Variants in LSAMP observed in about 807,000 individuals in gnomAD.
LSAMP encodes limbic system associated membrane protein.
Under a neutral mutation model 38.6 loss-of-function variants are expected in LSAMP, and 7 were observed. The observed-to-expected ratio is 0.18, with a 90% CI of 0.10 to 0.34. The LOEUF (loss-of-function observed/expected upper bound fraction) is 0.34. Among genes scored for constraint, LSAMP ranks in the 10% least tolerant of loss-of-function variants. The pLI is 1.00. For synonymous variants in LSAMP, 154 were observed against 166.8 expected (o/e 0.92, Z 0.59); for missense variants, 313 against 420.0 (o/e 0.75, Z 2.23).
intron 2 of LSAMP, among the ~76,000 whole-genome samples, chr3:116,078,183 A>T (rs1392476019): frequency 6.6e-6 from 1 of 152,018 alleles, no homozygotes; most frequent in Non-Finnish European, 1.5e-5. Flanking sequence ...GCTGGAATTA[A>T]TTATTTCTGT....
chr3:116,144,272 C>T lies in LSAMP; in HGVS notation c.156-57716G>A, dbSNP rs1420361633. ...TTATATTAGGCTGGGTGCAATGGTT[C>T]ATGTCTGGGATTCTAGAACTTTGGG... On this transcript the variant is annotated intron_variant, in intron 1 of 6. Transcript: ENST00000490035. Among the ~76,000 whole-genome samples the T allele has an allele frequency of 3.3e-5, 5 of 151,948 alleles. No homozygotes were observed. In the South Asian group the frequency reaches 8.3e-4, roughly 25 times the overall value.
chr3:115,925,196 A>C (rs2107529417), intron 3 of LSAMP, among the ~76,000 whole-genome samples: 1 of 152,250 alleles, frequency 6.6e-6, no homozygotes, highest in South Asian at 2.1e-4. Flanking sequence ...GAGCTTGGAC[A>C]CATGGGCTAC....
intron 2 of LSAMP, among the ~76,000 whole-genome samples, chr3:116,023,619 A>C (rs901707633): frequency 2.0e-5 from 3 of 151,804 alleles, no homozygotes; most frequent in Admixed American, 1.3e-4. Context: ...AAAAAAAAAA[A>C]AAAAACGGTT....
chr3:116,173,214 G>C (rs1559769771), intron 1 of LSAMP, among the ~76,000 whole-genome samples: 1 of 152,038 alleles, frequency 6.6e-6, no homozygotes, highest in Non-Finnish European at 1.5e-5. Flanking sequence ...GGATGAATAA[G>C]TGACAAAAAA....
chr3:115,935,803 C>G (rs922743012), intron 3 of LSAMP, among the ~76,000 whole-genome samples: 1 of 152,150 alleles, frequency 6.6e-6, no homozygotes, highest in African/African-American at 2.4e-5. Context: ...TCTGTAAAAT[C>G]TAGCAAGGTG....
At chr3:116,358,054 C>A (rs1292230058) in intron 1 of LSAMP, among the ~76,000 whole-genome samples, 3 of 152,132 alleles carry the variant, frequency 2.0e-5, no homozygotes, top group African/African-American at 7.2e-5. Flanking sequence ...CAATTACTTT[C>A]TATCCTTGCA....
chr3:116,438,879 G>A (rs2049391303), intron 1 of LSAMP, among the ~76,000 whole-genome samples: 1 of 152,144 alleles, frequency 6.6e-6, no homozygotes, highest in Non-Finnish European at 1.5e-5. Context: ...TGGGTTTATG[G>A]TGGTCTATTT....
At position 116,271,917 on chromosome 3, in the gene LSAMP, T is replaced by C. The variant is rs2046979380; in HGVS notation, c.155+172960A>G. Among the ~76,000 whole-genome samples, 3 of 152,026 alleles carry C rather than the reference T, an allele frequency of 2.0e-5. No individual in the cohort carries two copies. In the South Asian group the frequency reaches 6.2e-4, roughly 32 times the overall value. On this transcript the variant is annotated intron_variant, in intron 1 of 6. Coordinates refer to ENST00000490035, the MANE Select transcript of LSAMP (RefSeq NM_002338.5). ...ATGAAGTATTTCCTATTTATTCTAT[T>C]TGAAGTGAATAAAAAAATAATATGG...
intron 6 of LSAMP, among the ~76,000 whole-genome samples, chr3:115,835,465 A>G (rs190075328): frequency 9.0e-4 from 137 of 152,304 alleles, no homozygotes; most frequent in African/African-American, 3.2e-3. Flanking sequence ...TTTCAGAAAT[A>G]TAGAATGGAA....
chr3:116,321,399 G>T lies in LSAMP; in HGVS notation c.155+123478C>A, dbSNP rs547630144. On this transcript the variant is annotated intron_variant, in intron 1 of 6. Transcript: ENST00000490035. ...AAAAAACAAAAACAAAAACAAAAAG[G>T]AAAAACAGAATAGTCATGAGAATAG... 7.9e-5 allele frequency among the ~76,000 whole-genome samples: 12 copies of T among 152,068 alleles called. No homozygotes were observed. The South Asian group carries it at 2.5e-3, about 32-fold the overall frequency.
intron 3 of LSAMP, among the ~76,000 whole-genome samples, chr3:115,982,851 G>A (rs1420355440): frequency 1.3e-5 from 2 of 149,056 alleles, no homozygotes; most frequent in Non-Finnish European, 3.0e-5. Context: ...GCCTGTCACT[G>A]TCTTTGCTTT....
chr3:116,383,716 G>C (rs1165820173), intron 1 of LSAMP, among the ~76,000 whole-genome samples: 1 of 152,142 alleles, frequency 6.6e-6, no homozygotes, highest in Non-Finnish European at 1.5e-5. Context: ...GGATCTCCAT[G>C]TGAGGAGAAA....
intron 1 of LSAMP, among the ~76,000 whole-genome samples, chr3:116,322,462 A>G (rs2047717984): frequency 6.6e-6 from 1 of 152,184 alleles, no homozygotes; most frequent in African/African-American, 2.4e-5. Context: ...TTCTTTTAAA[A>G]AAGGAAATGT....
intron 1 of LSAMP, among the ~76,000 whole-genome samples, chr3:116,416,915 T>C (rs1319874307): frequency 1.3e-5 from 2 of 151,782 alleles, no homozygotes; most frequent in Non-Finnish European, 2.9e-5. Context: ...GAAGGGTAAG[T>C]GAAGAGGCAG....
intron 1 of LSAMP, among the ~76,000 whole-genome samples, chr3:116,290,905 C>T (rs2047258821): frequency 6.6e-6 from 1 of 151,942 alleles, no homozygotes; most frequent in African/African-American, 2.4e-5. Context: ...TAAAAAATCT[C>T]CTGTATCTCT....
Position 116,343,373 on chromosome 3 carries a change from C to T in LSAMP, c.155+101504G>A, listed in dbSNP as rs76468238. On this transcript the variant is annotated intron_variant, in intron 1 of 6. Transcript: ENST00000490035. ...AAACCCACCCTAGATCTGCCACTGA[C>T]TGGCCTGAAGGGATTGGTGGGGAAT... is the stretch of plus-strand genomic sequence containing the variant. Among the ~76,000 whole-genome samples, 41 of 152,248 alleles carry T rather than the reference C, an allele frequency of 2.7e-4. No homozygotes were observed. In the East Asian group the frequency reaches 6.6e-3, roughly 24 times the overall value.
chr3:116,381,061 G>T (rs2048551771), intron 1 of LSAMP, among the ~76,000 whole-genome samples: 1 of 151,884 alleles, frequency 6.6e-6, no homozygotes, highest in Non-Finnish European at 1.5e-5. Context: ...TATGGAAAGA[G>T]GTATTTATTT....
intron 6 of LSAMP, among the ~76,000 whole-genome samples, chr3:115,840,368 G>A (rs1431402270): frequency 6.6e-6 from 1 of 151,300 alleles, no homozygotes; most frequent in Non-Finnish European, 1.5e-5. Context: ...CTCTCCCGCT[G>A]CCATTTATGG....
In LSAMP at chr3:115,976,203, TC is replaced by T. The variant is rs1443407135; in HGVS notation, c.514+43311del. Among the ~76,000 whole-genome samples, 3 of 152,200 alleles carry T rather than the reference TC, an allele frequency of 2.0e-5. No homozygotes were observed. The South Asian group carries it at 6.2e-4, about 32-fold the overall frequency. ...AAAAATTTTCAGTGGAGTATCACTG[TC>T]TACTTAACTAAGTGCAAACTTATAC... is the stretch of plus-strand genomic sequence containing the variant. On this transcript the variant is annotated intron_variant, in intron 3 of 6. Transcript: ENST00000490035.
Sources: allele counts gnomAD v4.1 joint callset (sites outside exome capture counted in the v4.1 genomes callset), GRCh38; gene constraint gnomAD v4.1.1; transcripts MANE v1.5; gene names NCBI Gene and HGNC (gene_info 2026-07-23, HGNC 2026-07-21).